The following FBXL4 variants were observed in gnomAD, a reference collection of about 807,000 sequenced individuals.
FBXL4 encodes F-box and leucine rich repeat protein 4.
Under a neutral mutation model 58.9 loss-of-function variants are expected in FBXL4, and 40 were observed. That is an observed-to-expected ratio of 0.68 (90% confidence interval 0.53 to 0.88). The LOEUF is 0.88. Among genes scored for constraint, FBXL4 ranks in the 40% least tolerant of loss-of-function variants. FBXL4 has a pLI of 0.00. For synonymous variants in FBXL4, 263 were observed against 265.5 expected, an observed-to-expected ratio of 0.99 and a Z score of 0.09; for missense variants, 676 against 734.4, an observed-to-expected ratio of 0.92 and a Z score of 0.92.
At chr6:98,930,313 G>T (rs1772965527) in intron 2 of FBXL4, among the ~76,000 whole-genome samples, 1 of 152,214 alleles carries the variant, frequency 6.6e-6, no homozygotes. Context: ...CCAGCACTTT[G>T]GGAGGCCCAG....
intron 7 of FBXL4, chr6:98,899,011 T>A (rs904411889): frequency 2.0e-6 from 2 of 985,210 alleles, no homozygotes; most frequent in East Asian, 1.1e-4. Context: ...CAACGCTTAT[T>A]TTTTTTCCTG....
intron 5 of FBXL4, among the ~76,000 whole-genome samples, chr6:98,906,261 G>A (rs1771806016): frequency 6.6e-6 from 1 of 151,500 alleles, no homozygotes. Flanking sequence ...GTGCCATGGT[G>A]TTTTGCTGCA....
chr6:98,939,128 A>G (rs530159635), intron 1 of FBXL4, among the ~76,000 whole-genome samples: 1 of 150,696 alleles, frequency 6.6e-6, no homozygotes, highest in East Asian at 2.0e-4. Context: ...AAGACAAGAC[A>G]GGAGGGAGGG....
At chr6:98,882,950 G>A (rs1770906133) in intron 7 of FBXL4, among the ~76,000 whole-genome samples, 1 of 151,936 alleles carries the variant, frequency 6.6e-6, no homozygotes, top group Admixed American at 6.6e-5. Context: ...TATTTCTCTA[G>A]AGAACACACC....
At position 98,873,749 on chromosome 6, in the gene FBXL4, C is replaced by A. The variant is rs1770558486; in HGVS notation, c.*529G>T. 1 of 152,222 alleles carries A rather than the reference C, an allele frequency of 6.6e-6. No individual in the cohort carries two copies. The highest frequency in any genetic ancestry group is 2.1e-4 in the South Asian group (1 of 4,830). The allele number at this position is 152,222 out of a possible 1,614,324, so 9.4% of individuals were successfully genotyped here. Reference sequence around the variant, plus strand: ...TACAAGTGTGTGCCACCACACCTGGCTAGAAAAACTAAAAATTTTCCAGTT... The same window carrying A: ...TACAAGTGTGTGCCACCACACCTGGATAGAAAAACTAAAAATTTTCCAGTT... On this transcript the variant is annotated 3_prime_UTR_variant, in exon 10 of 10. Coordinates refer to ENST00000369244, the MANE Select transcript of FBXL4 (RefSeq NM_001278716.2).
chr6:98,911,296 T>C (rs1409729979), intron 5 of FBXL4, among the ~76,000 whole-genome samples: 1 of 152,182 alleles, frequency 6.6e-6, no homozygotes, highest in Non-Finnish European at 1.5e-5. Flanking sequence ...CAGACTTAAA[T>C]GTCCCTGTCT....
rs1770552159 is a variant in FBXL4, at chr6:98,873,550, A to T, written c.*728T>A. On this transcript the variant is annotated 3_prime_UTR_variant, in exon 10 of 10. Transcript: ENST00000369244. ...GGCATTATCCAGTAGTGAAATAGAC[A>T]AAAATATCAGAAGAAAAGTGGAAAC... 1 of 152,088 alleles carries T rather than the reference A, an allele frequency of 6.6e-6. No individual in the cohort carries two copies. 9.4% of individuals were successfully genotyped at this position (152,088 alleles called of 1,614,324 possible). A position where few individuals can be genotyped will look rare whatever the true frequency, so the allele number is the denominator to read the frequency against.
intron 5 of FBXL4, 85 bp downstream of exon 5, chr6:98,917,289 A>T (rs1772395468): frequency 2.2e-6 from 2 of 930,228 alleles, no homozygotes; most frequent in Non-Finnish European, 3.2e-6. Flanking sequence ...ATGCTCAATT[A>T]CCGATGCTCA....
Position 98,926,645 on chromosome 6 carries a change from T to C in FBXL4, c.344A>G (p.Lys115Arg). ...DQCPSASLPF[K>R]RTPPNFQSQD... The stretch of plus-strand genomic sequence containing the variant: ...GCTCTGAAAATTAGGTGGCGTCCTC[T>C]TGAATGGCAAGGAAGCACTAGGACA... Residue 115 changes from lysine (K) to arginine (R), a missense_variant, in exon 4 of 10, where the codon AAG (lysine) becomes AGG (arginine). By Grantham distance (26) the Lys-to-Arg change is conservative. Transcript: ENST00000369244. 2 of 1,614,170 alleles carry C rather than the reference T, an allele frequency of 1.2e-6. No homozygotes were observed. Among genetic ancestry groups the C allele is most frequent in the East Asian group, 2.2e-5 (1 of 44,874 alleles).
At position 98,917,906 on chromosome 6, in the gene FBXL4, A is replaced by G. The variant is rs1772431428; in HGVS notation, c.513-187T>C. 3.3e-5 allele frequency among the ~76,000 whole-genome samples: 5 copies of G among 152,280 alleles called. No homozygotes were observed. The South Asian group carries it at 1.0e-3, about 32-fold the overall frequency. ...AAACCAAATGCCACAGACCTTATTA[A>G]TTTATTTTTATAAGTCCCCAAACAG... On this transcript the variant is annotated intron_variant, in intron 4 of 9. Coordinates refer to ENST00000369244, the MANE Select transcript of FBXL4 (RefSeq NM_001278716.2).
intron 5 of FBXL4, among the ~76,000 whole-genome samples, chr6:98,916,166 A>T (rs1772337310): frequency 6.6e-6 from 1 of 151,018 alleles, no homozygotes; most frequent in Admixed American, 6.6e-5. Flanking sequence ...GTCAGGAAAC[A>T]ACAGGTGCTG....
chr6:98,932,596 G>A (rs1160274767), intron 2 of FBXL4, among the ~76,000 whole-genome samples: 1 of 152,178 alleles, frequency 6.6e-6, no homozygotes, highest in African/African-American at 2.4e-5. Context: ...CAGGATGGCA[G>A]GAGCTGCCGA....
rs766892502 is a variant in FBXL4, at chr6:98,926,711, TGAGTA to T, written c.273_277del (p.Phe91LeufsTer17). 6.2e-7 allele frequency: 1 copy of T among 1,614,236 alleles called. No individual in the cohort carries two copies. The highest frequency in any genetic ancestry group is 8.5e-7 in the Non-Finnish European group (1 of 1,180,040). ...CCCATAAGTTCGAAACACAGCTGTCTGAGTAAAGTCACCAGAACTTGGGAATACAT... is the reference window on the plus strand; with the variant it reads ...CCCATAAGTTCGAAACACAGCTGTCTAAGTCACCAGAACTTGGGAATACAT... On this transcript the variant is annotated frameshift_variant, in exon 4 of 10. Transcript: ENST00000369244. LOFTEE classifies it high-confidence loss of function.
chr6:98,940,945 T>C (rs1182166822), intron 1 of FBXL4, among the ~76,000 whole-genome samples: 2 of 152,262 alleles, frequency 1.3e-5, no homozygotes, highest in Admixed American at 1.3e-4. Context: ...AGATACCAAA[T>C]TAGATTCTGC....
At chr6:98,919,878 G>A (rs1308820361) in intron 4 of FBXL4, among the ~76,000 whole-genome samples, 3 of 152,074 alleles carry the variant, frequency 2.0e-5, no homozygotes, top group Non-Finnish European at 2.9e-5. Flanking sequence ...GACACCAGAC[G>A]ATGCTGGAGG....
chr6:98,905,441 A>G lies in FBXL4; in HGVS notation c.1088T>C (p.Val363Ala). 1.9e-6 allele frequency: 3 copies of G among 1,614,066 alleles called. No individual in the cohort carries two copies. The highest frequency in any genetic ancestry group is 2.2e-5 in the South Asian group (2 of 91,086). The change falls in exon 6 of 10, where the codon GTT becomes GCT. Residue 363 changes from valine to alanine, a missense_variant. By Grantham distance (64) the Val-to-Ala change is moderately conservative. Transcript: ENST00000369244. The part of the protein sequence containing the change: ...SWTGNRGFIS[V>A]AGFSRFLKVC... ...TTGTACTAACCTGCTAAATCCTGCA[A>G]CAGAGATGAAGCCTCTATTGCCAGT...
intron 9 of FBXL4, chr6:98,875,116 T>C: frequency 3.3e-6 from 1 of 300,342 alleles, no homozygotes; most frequent in Non-Finnish European, 6.1e-6. Context: ...TTAATAAAAA[T>C]AGAGAGCGCA....
chr6:98,916,325 C>T (rs1772343915), intron 5 of FBXL4, among the ~76,000 whole-genome samples: 1 of 152,082 alleles, frequency 6.6e-6, no homozygotes, highest in Non-Finnish European at 1.5e-5. Context: ...GGGTATATAC[C>T]CAAAGGACAA....
chr6:98,909,215 C>A (rs555705684), intron 5 of FBXL4, among the ~76,000 whole-genome samples: 1 of 152,226 alleles, frequency 6.6e-6, no homozygotes, highest in Non-Finnish European at 1.5e-5. Context: ...CTGAAGATCA[C>A]TGGCTGAAGG....
Sources: allele counts gnomAD v4.1 joint callset (sites outside exome capture counted in the v4.1 genomes callset), GRCh38; gene constraint gnomAD v4.1.1; transcripts MANE v1.5; gene names NCBI Gene and HGNC (gene_info 2026-07-23, HGNC 2026-07-21).